The following UBAC2 variants were observed in gnomAD, a reference collection of about 807,000 sequenced individuals.
UBAC2 encodes UBA domain containing 2, also known as ubiquitin-associated domain-containing protein 2.
Under a neutral mutation model 44.0 loss-of-function variants are expected in UBAC2, and 26 were observed. The ratio of observed to expected loss-of-function variants is 0.59; its 90% CI spans 0.43 to 0.82. The LOEUF is 0.82. Among genes scored for constraint, UBAC2 ranks in the 40% least tolerant of loss-of-function variants. The probability of loss-of-function intolerance (pLI) is 0.00; values close to 1 mark genes in which losing one functional copy is unlikely to be tolerated. For synonymous variants in UBAC2, 155 were observed against 154.3 expected, an observed-to-expected ratio of 1.00 and a Z score of -0.04; for missense variants, 329 against 419.4, an observed-to-expected ratio of 0.78 and a Z score of 1.88.
chr13:99,304,005 C>T (rs1008743914), intron 4 of UBAC2, among the ~76,000 whole-genome samples: 2 of 152,228 alleles, frequency 1.3e-5, no homozygotes, highest in African/African-American at 2.4e-5. Context: ...GTGCCATTCC[C>T]GCCCTTCTGC....
intron 8 of UBAC2, among the ~76,000 whole-genome samples, chr13:99,368,723 G>A (rs1236851017): frequency 1.3e-5 from 2 of 148,858 alleles, no homozygotes; most frequent in African/African-American, 5.0e-5. Flanking sequence ...GTGTGTGTGT[G>A]TGTACACATA....
intron 1 of UBAC2, among the ~76,000 whole-genome samples, chr13:99,205,193 TGCCCGGTTGG>T (rs1217130623): frequency 7.2e-5 from 11 of 152,180 alleles, no homozygotes; most frequent in Non-Finnish European, 1.6e-4. Flanking sequence ...TGAGCCACTG[TGCCCGGTTGG>T]GGGAGTTTCT....
chr13:99,230,156 G>A lies in UBAC2; in HGVS notation c.32-8271G>A, dbSNP rs549361087. Among the ~76,000 whole-genome samples the A allele has an allele frequency of 7.9e-5, 12 of 152,178 alleles. No individual in the cohort carries two copies. The South Asian group carries it at 1.2e-3, about 16-fold the overall frequency. On this transcript the variant is annotated intron_variant, in intron 1 of 8. Coordinates refer to ENST00000403766, the MANE Select transcript of UBAC2 (RefSeq NM_001144072.2). Reference sequence around the variant, plus strand: ...GCTTCTCTAACAAATTATCACAAACGTGGTGGTTTAAAACAAAAGAAATAT... The same window carrying A: ...GCTTCTCTAACAAATTATCACAAACATGGTGGTTTAAAACAAAAGAAATAT...
At chr13:99,315,822 C>T (rs2044480947) in intron 5 of UBAC2, among the ~76,000 whole-genome samples, 1 of 151,564 alleles carries the variant, frequency 6.6e-6, no homozygotes, top group Admixed American at 6.6e-5. Context: ...TTGTTTTTGG[C>T]ATAAAGCAAG....
intron 7 of UBAC2, among the ~76,000 whole-genome samples, chr13:99,361,584 A>G (rs934653443): frequency 3.3e-5 from 5 of 152,160 alleles, no homozygotes; most frequent in Non-Finnish European, 7.3e-5. Flanking sequence ...CTACATACAT[A>G]CTTATCAGGG....
chr13:99,237,915 A>C (rs1258916703), intron 1 of UBAC2, among the ~76,000 whole-genome samples: 2 of 152,230 alleles, frequency 1.3e-5, no homozygotes, highest in African/African-American at 2.4e-5. Context: ...AGATTGCGCC[A>C]CTGCACTCCA....
chr13:99,236,908 AC>A (rs1388042049), intron 1 of UBAC2, among the ~76,000 whole-genome samples: 1 of 152,116 alleles, frequency 6.6e-6, no homozygotes, highest in Non-Finnish European at 1.5e-5. Context: ...AGAAAGGAGA[AC>A]CCTGGTACAC....
chr13:99,238,981 G>A (rs890392820), intron 2 of UBAC2, among the ~76,000 whole-genome samples: 2 of 152,176 alleles, frequency 1.3e-5, no homozygotes, highest in South Asian at 2.1e-4. Context: ...GTGGTTAAAC[G>A]AAGTAAGAAA....
intron 4 of UBAC2, chr13:99,255,907 C>T (rs763857769): frequency 1.3e-6 from 2 of 1,491,650 alleles, no homozygotes. Context: ...TACTTAGAAA[C>T]TGTAAAAATA....
At chr13:99,301,518 G>A (rs1252405419) in intron 4 of UBAC2, among the ~76,000 whole-genome samples, 3 of 152,020 alleles carry the variant, frequency 2.0e-5, no homozygotes, top group African/African-American at 7.3e-5. Flanking sequence ...GAGCCTGTGT[G>A]TTTTTTTCTC....
At chr13:99,332,300 C>T (rs1336265849) in intron 6 of UBAC2, among the ~76,000 whole-genome samples, 1 of 152,152 alleles carries the variant, frequency 6.6e-6, no homozygotes, top group Non-Finnish European at 1.5e-5. Context: ...TCTCTATAAT[C>T]AAGAGTGTTT....
chr13:99,305,017 G>C (rs1032270822), intron 4 of UBAC2, among the ~76,000 whole-genome samples: 7 of 152,102 alleles, frequency 4.6e-5, no homozygotes, highest in African/African-American at 1.4e-4. Context: ...GAGTTTATTA[G>C]TTTATTTGTA....
At chr13:99,327,394 C>A (rs2044653776) in intron 6 of UBAC2, among the ~76,000 whole-genome samples, 1 of 152,082 alleles carries the variant, frequency 6.6e-6, no homozygotes, top group African/African-American at 2.4e-5. Flanking sequence ...TTCACATTGT[C>A]TTTTTATCAG....
intron 1 of UBAC2, among the ~76,000 whole-genome samples, chr13:99,219,327 A>AT (rs1427692868): frequency 6.6e-6 from 1 of 152,198 alleles, no homozygotes; most frequent in African/African-American, 2.4e-5. Context: ...AAAGATACAT[A>AT]TTTTTATTCA....
At chr13:99,357,797 A>C (rs1400305680) in intron 7 of UBAC2, among the ~76,000 whole-genome samples, 1 of 152,094 alleles carries the variant, frequency 6.6e-6, no homozygotes, top group Non-Finnish European at 1.5e-5. Context: ...GTAACCCATC[A>C]CCTGGGTCTT....
At chr13:99,215,917 A>G (rs927984192) in intron 1 of UBAC2, among the ~76,000 whole-genome samples, 8 of 152,374 alleles carry the variant, frequency 5.3e-5, no homozygotes, top group African/African-American at 1.4e-4. Context: ...ATGTGGTGCT[A>G]GTCTGAAAGA....
At chr13:99,364,005 T>C (rs2045298881) in intron 7 of UBAC2, among the ~76,000 whole-genome samples, 1 of 152,204 alleles carries the variant, frequency 6.6e-6, no homozygotes, top group Non-Finnish European at 1.5e-5. Context: ...AGAGGGAATG[T>C]TACTTTTTAA....
chr13:99,238,384 T>C (rs777415461), intron 1 of UBAC2, 43 bp from the exon 2 acceptor site: 31 of 1,598,590 alleles, frequency 1.9e-5, no homozygotes, highest in Non-Finnish European at 2.6e-5. Context: ...TTTTTAAATC[T>C]TAGGAACAAT....
chr13:99,243,551 C>A (rs941086565), intron 2 of UBAC2, among the ~76,000 whole-genome samples: 1 of 152,024 alleles, frequency 6.6e-6, no homozygotes. Flanking sequence ...TAAACGTGAT[C>A]CTGAAATTTC....
Sources: gnomAD v4.1 joint callset for allele counts (sites outside exome capture counted in the v4.1 genomes callset) on GRCh38, gnomAD v4.1.1 for gene constraint, MANE v1.5 for transcripts, NCBI Gene and HGNC (gene_info 2026-07-23, HGNC 2026-07-21) for gene names.